Variants in DLGAP1 observed in about 807,000 individuals in gnomAD.
DLGAP1 encodes the protein disks large-associated protein 1.
A neutral mutation model predicts 90.8 loss-of-function variants in DLGAP1; 11 were observed. The ratio of observed to expected loss-of-function variants is 0.12; its 90% CI spans 0.08 to 0.20. The LOEUF (loss-of-function observed/expected upper bound fraction) is 0.20, where lower values mean the gene tolerates loss of function less well. Ranked by LOEUF, DLGAP1 falls within the 10% of genes least tolerant of loss-of-function variation. The pLI, the probability that DLGAP1 is intolerant of heterozygous loss-of-function variation, is 1.00. For missense variants in DLGAP1, 1,050 were observed against 1,333.8 expected (o/e 0.79, Z 3.31); for synonymous variants, 558 against 540.7 (o/e 1.03, Z -0.44).
At chr18:3,949,243 T>C (rs944510624) in intron 3 of DLGAP1, among the ~76,000 whole-genome samples, 5 of 152,170 alleles carry the variant, frequency 3.3e-5, no homozygotes, top group African/African-American at 1.2e-4. Flanking sequence ...TCCCTTACAA[T>C]TGGCTTGAGT....
rs565731934 is a variant in DLGAP1, at chr18:4,306,653, TAA to T, written c.-267+148351_-267+148352del. The stretch of plus-strand genomic sequence containing the variant: ...TATAACTTACTATTACATTTTATAA[TAA>T]GTTTCCCAAATGATACGGAAGTTTT... On this transcript the variant is annotated intron_variant, in intron 1 of 12. Coordinates refer to ENST00000315677, the MANE Select transcript of DLGAP1 (RefSeq NM_004746.4). Among the ~76,000 whole-genome samples, 11 of 152,268 alleles carry T rather than the reference TAA, an allele frequency of 7.2e-5. No individual in the cohort carries two copies. In the South Asian group the frequency reaches 2.3e-3, roughly 32 times the overall value.
At chr18:4,228,921 T>G (rs916087467) in intron 1 of DLGAP1, among the ~76,000 whole-genome samples, 1 of 151,980 alleles carries the variant, frequency 6.6e-6, no homozygotes, top group Non-Finnish European at 1.5e-5. Context: ...TTGCAAATTA[T>G]GTAATCTTAT....
intron 1 of DLGAP1, among the ~76,000 whole-genome samples, chr18:4,410,685 AATAT>A (rs33973172): frequency 1.3e-4 from 19 of 149,770 alleles, no homozygotes; most frequent in Admixed American, 3.3e-4. Context: ...ATTCCCCCCA[AATAT>A]ATATATATAT....
intron 1 of DLGAP1, among the ~76,000 whole-genome samples, chr18:4,257,302 G>A (rs2078908036): frequency 6.6e-6 from 1 of 152,098 alleles, no homozygotes. Flanking sequence ...GGCTGGAGGA[G>A]GGCACTTAGT....
At chr18:4,188,378 T>C (rs1001108086) in intron 1 of DLGAP1, among the ~76,000 whole-genome samples, 7 of 152,124 alleles carry the variant, frequency 4.6e-5, no homozygotes, top group Non-Finnish European at 1.0e-4. Context: ...AGGTATACGT[T>C]GTGCCATGGT....
chr18:4,135,838 T>TA (rs1462607042), intron 2 of DLGAP1, among the ~76,000 whole-genome samples: 1 of 149,150 alleles, frequency 6.7e-6, no homozygotes, highest in African/African-American at 2.5e-5. Flanking sequence ...AATGTATACC[T>TA]ACCACATTTT....
intron 5 of DLGAP1, among the ~76,000 whole-genome samples, chr18:3,791,522 G>GTGTGTGTGTGCACGCA (rs2065732836): frequency 8.9e-6 from 1 of 111,814 alleles, no homozygotes; most frequent in African/African-American, 3.2e-5. Flanking sequence ...GTGCGTGTGT[G>GTGTGTGTGTGCACGCA]TGTGTGTGTG....
intron 1 of DLGAP1, among the ~76,000 whole-genome samples, chr18:4,376,764 T>G (rs1024678867): frequency 6.6e-6 from 1 of 152,116 alleles, no homozygotes; most frequent in African/African-American, 2.4e-5. Context: ...TCGGTAGAGG[T>G]GGAATTAATT....
chr18:4,051,711 C>G (rs780223584), intron 2 of DLGAP1, among the ~76,000 whole-genome samples: 2 of 151,588 alleles, frequency 1.3e-5, no homozygotes, highest in Non-Finnish European at 2.9e-5. Flanking sequence ...AAGGTCTCAA[C>G]TCATTCTAGC....
intron 2 of DLGAP1, among the ~76,000 whole-genome samples, chr18:4,089,612 A>G (rs1598382787): frequency 6.6e-6 from 1 of 152,320 alleles, no homozygotes; most frequent in East Asian, 1.9e-4. Context: ...CACATAGACC[A>G]ATGGAACAGA....
chr18:4,441,858 CA>C (rs747091977), intron 1 of DLGAP1, among the ~76,000 whole-genome samples: 42 of 152,292 alleles, frequency 2.8e-4, no homozygotes, highest in Admixed American at 7.2e-4. Flanking sequence ...GGATGCCAAC[CA>C]ATTGTCAGGC....
At chr18:4,442,112 C>G (rs8092924) in intron 1 of DLGAP1, among the ~76,000 whole-genome samples, 1 of 152,048 alleles carries the variant, frequency 6.6e-6, no homozygotes, top group Non-Finnish European at 1.5e-5. Context: ...CTGCCTCAGT[C>G]TCCCAAGTAG....
chr18:3,544,971 T>TA (rs1405872894), intron 9 of DLGAP1, among the ~76,000 whole-genome samples: 1 of 151,868 alleles, frequency 6.6e-6, no homozygotes, highest in Non-Finnish European at 1.5e-5. Context: ...ATTTCTCCAT[T>TA]AAAAAAATAA....
At chr18:4,323,276 A>G (rs1291499481) in intron 1 of DLGAP1, among the ~76,000 whole-genome samples, 1 of 152,238 alleles carries the variant, frequency 6.6e-6, no homozygotes, top group African/African-American at 2.4e-5. Context: ...TCTTATCTAA[A>G]AGACAAAAGA....
intron 7 of DLGAP1, among the ~76,000 whole-genome samples, chr18:3,656,872 G>A (rs866866531): frequency 6.6e-5 from 10 of 151,628 alleles, no homozygotes; most frequent in South Asian, 2.1e-4. Flanking sequence ...TCAGCCTCCC[G>A]AGTGGCTGGG....
chr18:3,802,094 T>C (rs544527983), intron 5 of DLGAP1, among the ~76,000 whole-genome samples: 33 of 152,202 alleles, frequency 2.2e-4, no homozygotes, highest in South Asian at 6.2e-4. Context: ...AAGTGATTAT[T>C]CTGCCTCAGC....
At chr18:4,012,317 C>A (rs1034987229) in intron 2 of DLGAP1, among the ~76,000 whole-genome samples, 1 of 152,182 alleles carries the variant, frequency 6.6e-6, no homozygotes, top group African/African-American at 2.4e-5. Flanking sequence ...GTTCAGGCTC[C>A]TCAGAGCAGC....
chr18:3,689,721 T>C (rs1375081204), intron 7 of DLGAP1, among the ~76,000 whole-genome samples: 1 of 152,150 alleles, frequency 6.6e-6, no homozygotes, highest in Non-Finnish European at 1.5e-5. Context: ...ATCTCCCAAA[T>C]TGTATGCCTT....
At chr18:4,304,110 A>T (rs1020345243) in intron 1 of DLGAP1, among the ~76,000 whole-genome samples, 2 of 152,238 alleles carry the variant, frequency 1.3e-5, no homozygotes, top group South Asian at 2.1e-4. Flanking sequence ...CTGAATTCAT[A>T]AAACTGTGCA....
Sources: gnomAD v4.1 joint callset for allele counts (sites outside exome capture counted in the v4.1 genomes callset) on GRCh38, gnomAD v4.1.1 for gene constraint, MANE v1.5 for transcripts, NCBI Gene and HGNC (gene_info 2026-07-23, HGNC 2026-07-21) for gene names.